SEMA3A: variants seen among roughly 807,000 people sequenced by gnomAD.
SEMA3A encodes the protein semaphorin-3A.
In SEMA3A, 29 loss-of-function variants were observed where a neutral mutation model predicts 97.9. That is an observed-to-expected ratio of 0.30 (90% CI 0.22 to 0.40). The LOEUF is 0.40. Among genes scored for constraint, SEMA3A ranks in the 10% least tolerant of loss-of-function variants. The pLI, the probability that SEMA3A is intolerant of heterozygous loss-of-function variation, is 1.00. For synonymous variants in SEMA3A, 321 were observed against 323.7 expected (o/e 0.99, Z 0.09); for missense variants, 763 against 951.3 (o/e 0.80, Z 2.60).
intron 3 of SEMA3A, among the ~76,000 whole-genome samples, chr7:84,239,193 T>C (rs1274886416): frequency 2.0e-5 from 3 of 152,226 alleles, no homozygotes; most frequent in African/African-American, 7.2e-5. Flanking sequence ...GAATATTTGC[T>C]TTAGGTAAAA....
chr7:84,421,707 T>C (rs188295232), intron 1 of SEMA3A, among the ~76,000 whole-genome samples: 15 of 152,224 alleles, frequency 9.9e-5, no homozygotes, highest in African/African-American at 3.6e-4. Flanking sequence ...ACCTAGTTTA[T>C]AGAGAGTTTT....
intron 3 of SEMA3A, among the ~76,000 whole-genome samples, chr7:84,239,393 T>A (rs914498742): frequency 2.6e-5 from 4 of 152,192 alleles, no homozygotes; most frequent in Admixed American, 2.0e-4. Flanking sequence ...ACTCTGTAAG[T>A]AATCCACTTT....
At chr7:84,183,333 TATGAA>T (rs1385959728) in intron 1 of SEMA3A, among the ~76,000 whole-genome samples, 1 of 152,180 alleles carries the variant, frequency 6.6e-6, no homozygotes, top group East Asian at 1.9e-4. Context: ...AGTAGCTATG[TATGAA>T]AACTCCATTA....
intron 3 of SEMA3A, among the ~76,000 whole-genome samples, chr7:84,276,512 A>G (rs929632554): frequency 1.9e-4 from 29 of 152,116 alleles, no homozygotes; most frequent in African/African-American, 6.0e-4. Flanking sequence ...TCCAGCACAT[A>G]GTAGGTACTT....
chr7:84,172,579 G>A (rs761216697), intron 1 of SEMA3A, among the ~76,000 whole-genome samples: 4 of 151,772 alleles, frequency 2.6e-5, no homozygotes, highest in East Asian at 1.9e-4. Context: ...CCGCCACCAC[G>A]CCCGGCTCAT....
chr7:84,064,292 C>T (rs1272489731), intron 4 of SEMA3A, among the ~76,000 whole-genome samples: 1 of 152,098 alleles, frequency 6.6e-6, no homozygotes, highest in Non-Finnish European at 1.5e-5. Flanking sequence ...AAAGGAACAA[C>T]TGGTACCAGC....
chr7:84,062,959 G>A (rs1230901786), intron 4 of SEMA3A, among the ~76,000 whole-genome samples: 1 of 151,932 alleles, frequency 6.6e-6, no homozygotes, highest in Non-Finnish European at 1.5e-5. Flanking sequence ...CTCCACCTCT[G>A]GGGGCAGGGC....
At chr7:84,462,531 G>A (rs1173885861) in intron 1 of SEMA3A, among the ~76,000 whole-genome samples, 2 of 152,124 alleles carry the variant, frequency 1.3e-5, no homozygotes, top group African/African-American at 4.8e-5. Context: ...AATAGCTATG[G>A]TCTGTGCTTT....
intron 1 of SEMA3A, among the ~76,000 whole-genome samples, chr7:84,447,971 G>A (rs1297949605): frequency 6.6e-6 from 1 of 152,212 alleles, no homozygotes; most frequent in Non-Finnish European, 1.5e-5. Flanking sequence ...CAGCTACACA[G>A]CCTCACACAG....
chr7:84,151,802 A>G (rs1172031055), intron 1 of SEMA3A, among the ~76,000 whole-genome samples: 2 of 152,202 alleles, frequency 1.3e-5, no homozygotes, highest in Non-Finnish European at 2.9e-5. Context: ...CTCATCTGAC[A>G]AAGGGCTAAT....
chr7:84,143,994 C>A (rs12113490), intron 1 of SEMA3A, among the ~76,000 whole-genome samples: 130 of 137,644 alleles, frequency 9.4e-4, no homozygotes, highest in African/African-American at 3.1e-3. Context: ...CACACACACA[C>A]AATTTATTGT....
At chr7:84,401,948 T>C (rs1248452750) in intron 1 of SEMA3A, among the ~76,000 whole-genome samples, 1 of 152,174 alleles carries the variant, frequency 6.6e-6, no homozygotes, top group Non-Finnish European at 1.5e-5. Context: ...TGGGCAAAGA[T>C]TGTTTGAGCA....
At chr7:84,412,461 C>T (rs1804296347) in intron 1 of SEMA3A, among the ~76,000 whole-genome samples, 2 of 152,130 alleles carry the variant, frequency 1.3e-5, no homozygotes, top group South Asian at 4.1e-4. Flanking sequence ...CACATTTTTA[C>T]ATTCTGAGGC....
intron 15 of SEMA3A, among the ~76,000 whole-genome samples, chr7:83,975,755 A>C (rs1413422231): frequency 6.6e-6 from 1 of 152,166 alleles, no homozygotes; most frequent in Non-Finnish European, 1.5e-5. Flanking sequence ...AGGCAAACAG[A>C]TTATTTAGTG....
chr7:84,053,713 T>A (rs963221123), intron 5 of SEMA3A, among the ~76,000 whole-genome samples: 87 of 150,208 alleles, frequency 5.8e-4, no homozygotes, highest in East Asian at 1.8e-3. Flanking sequence ...TCCATTTACA[T>A]TTAAAGTTAA....
intron 3 of SEMA3A, among the ~76,000 whole-genome samples, chr7:84,114,236 C>T (rs553012862): frequency 6.6e-6 from 1 of 152,260 alleles, no homozygotes; most frequent in African/African-American, 2.4e-5. Context: ...TTCCAATTAC[C>T]TCCTTGCATG....
chr7:84,222,790 G>T (rs2116339828), intron 3 of SEMA3A, among the ~76,000 whole-genome samples: 1 of 151,896 alleles, frequency 6.6e-6, no homozygotes, highest in East Asian at 1.9e-4. Flanking sequence ...TGCCAATAAT[G>T]TTGCCAAGCT....
At chr7:84,073,365 T>C (rs905199980) in intron 4 of SEMA3A, among the ~76,000 whole-genome samples, 5 of 151,844 alleles carry the variant, frequency 3.3e-5, no homozygotes, top group African/African-American at 1.2e-4. Context: ...GATTATTCTA[T>C]CTAGAGAAAA....
chr7:84,463,742 G>A (rs533135125), intron 1 of SEMA3A, among the ~76,000 whole-genome samples: 2 of 152,082 alleles, frequency 1.3e-5, no homozygotes, highest in Non-Finnish European at 2.9e-5. Context: ...AACTAAAATT[G>A]AACCTATATA....
Sources: gnomAD v4.1 joint callset for allele counts (sites outside exome capture counted in the v4.1 genomes callset) on GRCh38, gnomAD v4.1.1 for gene constraint, MANE v1.5 for transcripts, NCBI Gene and HGNC (gene_info 2026-07-23, HGNC 2026-07-21) for gene names.